Variants in ARHGAP17 observed in about 807,000 individuals in gnomAD.
The protein encoded by ARHGAP17 is Rho GTPase activating protein 17.
A neutral mutation model predicts 99.5 loss-of-function variants in ARHGAP17; 57 were observed. The observed-to-expected ratio is 0.57, with a 90% confidence interval of 0.46 to 0.71. The LOEUF is 0.71. ARHGAP17 is among the 30% of genes least tolerant of loss of function. ARHGAP17 has a pLI of 0.00. For missense variants in ARHGAP17, 1,000 were observed against 1,122.4 expected, an observed-to-expected ratio of 0.89 and a Z score of 1.56; for synonymous variants, 417 against 429.6, an observed-to-expected ratio of 0.97 and a Z score of 0.36.
chr16:24,964,276 T>C lies in ARHGAP17; in HGVS notation c.494A>G (p.Asn165Ser), dbSNP rs1325597188. 1 of 1,613,918 alleles carries C rather than the reference T, an allele frequency of 6.2e-7. No individual in the cohort carries two copies. Among genetic ancestry groups the C allele is most frequent in the East Asian group, 2.2e-5 (1 of 44,874 alleles). Residue 165 changes from asparagine to serine, a missense_variant, in exon 7 of 20, where the codon AAC becomes AGC. Around this residue, in one of 2 missense-constraint regions of ARHGAP17, gnomAD observed 472 missense variants for 611.1 expected, o/e 0.77. Transcript: ENST00000289968. The part of the protein sequence containing the change: ...WNQAHKSSGT[N>S]FQGLPSKIDT... ...TATTTTTGATGGAAGCCCCTGAAAG[T>C]TGGTTCCTGAGGATTTGTGAGCTTG... is the stretch of plus-strand genomic sequence containing the variant.
At chr16:24,929,905 C>T (rs1365895734) in intron 19 of ARHGAP17, among the ~76,000 whole-genome samples, 2 of 152,178 alleles carry the variant, frequency 1.3e-5, no homozygotes, top group South Asian at 2.1e-4. Context: ...AGGTGTATTT[C>T]AGCTTCTTTT....
At chr16:24,961,972 G>GTTTGT (rs1555464021) in intron 7 of ARHGAP17, among the ~76,000 whole-genome samples, 1 of 136,792 alleles carries the variant, frequency 7.3e-6, no homozygotes, top group Non-Finnish European at 1.5e-5. Flanking sequence ...GAGAGAGTTT[G>GTTTGT]TTTTTTTTTT....
chr16:24,941,570 CT>C (rs1431282445), intron 16 of ARHGAP17: 1 of 167,034 alleles, frequency 6.0e-6, no homozygotes, highest in East Asian at 1.8e-4. Flanking sequence ...AGAAATATGT[CT>C]CCTTAAACGC....
intron 1 of ARHGAP17, among the ~76,000 whole-genome samples, chr16:24,987,641 T>C (rs897294692): frequency 6.6e-6 from 1 of 151,988 alleles, no homozygotes; most frequent in Non-Finnish European, 1.5e-5. Flanking sequence ...ATGGCAAATA[T>C]GTGGCCGAGG....
rs2052750384 is a variant in ARHGAP17 at position 24,983,030 on chromosome 16, G to GA, written c.54-4026_54-4025insT. ...TTTTTTTTTTTTTTTTTTGAGACAGGGTCTCGTTCTGTCACCCAGGCTGGA... is the reference window on the plus strand; with the variant it reads ...TTTTTTTTTTTTTTTTTTGAGACAGGAGTCTCGTTCTGTCACCCAGGCTGGA... On this transcript the variant is annotated intron_variant, in intron 1 of 19. Transcript: ENST00000289968. Among the ~76,000 whole-genome samples the GA allele has an allele frequency of 9.7e-5, 9 of 92,460 alleles. 2 individuals carry two copies. The highest frequency in any genetic ancestry group is 1.4e-4 in the Non-Finnish European group (7 of 50,290). 60.7% of individuals were successfully genotyped at this position (92,460 alleles called of 152,430 possible).
At chr16:24,930,392 A>G (rs1444311997) in intron 19 of ARHGAP17, among the ~76,000 whole-genome samples, 3 of 152,250 alleles carry the variant, frequency 2.0e-5, no homozygotes, top group Non-Finnish European at 4.4e-5. Flanking sequence ...CGTGTTGTAA[A>G]ATACCTTCCA....
At chr16:24,942,767 C>CAA (rs768002636) in intron 15 of ARHGAP17, among the ~76,000 whole-genome samples, 6,842 of 69,364 alleles carry the variant, frequency 0.099, 668 homozygotes, top group African/African-American at 0.26. Context: ...GACTCTGTCT[C>CAA]AAAAAAAAAA....
At position 24,933,132 on chromosome 16, in the gene ARHGAP17, G is replaced by A. The variant is rs1383597868; in HGVS notation, c.1895-1728C>T. Among the ~76,000 whole-genome samples the A allele has an allele frequency of 1.3e-5, 2 of 151,920 alleles. 1 individual carries two copies. The highest frequency in any genetic ancestry group is 4.2e-4 in the South Asian group (2 of 4,812). On this transcript the variant is annotated intron_variant, in intron 18 of 19. Transcript: ENST00000289968. Reference sequence around the variant, plus strand: ...CTGAGACTCCTGCCCATGACATGTGGACTCCCTGAATGCTTTTTCCTCTTC... The same window carrying A: ...CTGAGACTCCTGCCCATGACATGTGAACTCCCTGAATGCTTTTTCCTCTTC...
intron 3 of ARHGAP17, 29 bp downstream of exon 3, chr16:24,977,186 T>C (rs1281472352): frequency 1.3e-6 from 2 of 1,522,266 alleles, no homozygotes; most frequent in East Asian, 2.3e-5. Context: ...ACGCAGGAAC[T>C]GTGGGTCTGA....
chr16:24,992,722 A>G (rs1194142370), intron 1 of ARHGAP17, among the ~76,000 whole-genome samples: 1 of 152,254 alleles, frequency 6.6e-6, no homozygotes, highest in Non-Finnish European at 1.5e-5. Flanking sequence ...ATTCATAAAT[A>G]CAGTACTCCT....
intron 1 of ARHGAP17, among the ~76,000 whole-genome samples, chr16:24,982,990 ATATATATTTTTTTTTT>A (rs1180021563): frequency 2.5e-4 from 8 of 32,464 alleles, no homozygotes; most frequent in African/African-American, 1.0e-3. Flanking sequence ...ATATATATAT[ATATATATTTTTTTTTT>A]TTTTTTTTTT....
At chr16:25,003,211 G>T in intron 1 of ARHGAP17, among the ~76,000 whole-genome samples, 1 of 147,146 alleles carries the variant, frequency 6.8e-6, no homozygotes, top group Non-Finnish European at 1.5e-5. Flanking sequence ...AATAAAACAA[G>T]AGTATGCTAG....
At chr16:24,960,545 TA>T (rs1420101234) in intron 7 of ARHGAP17, among the ~76,000 whole-genome samples, 1 of 150,240 alleles carries the variant, frequency 6.7e-6, no homozygotes, top group South Asian at 2.1e-4. Context: ...AGACTCTGTC[TA>T]AAAAAAGGCT....
intron 19 of ARHGAP17, among the ~76,000 whole-genome samples, chr16:24,928,818 A>G (rs2050907413): frequency 6.6e-6 from 1 of 152,214 alleles, no homozygotes; most frequent in Admixed American, 6.5e-5. Flanking sequence ...GCCTTTTAAA[A>G]AGCTCATATG....
chr16:24,971,558 C>T (rs750323909), intron 3 of ARHGAP17, among the ~76,000 whole-genome samples: 12 of 151,750 alleles, frequency 7.9e-5, no homozygotes, highest in Non-Finnish European at 1.5e-4. Context: ...AAACTCTTGA[C>T]CTCAAGTGAT....
chr16:25,011,798 C>T (rs1171567087), intron 1 of ARHGAP17, among the ~76,000 whole-genome samples: 2 of 152,050 alleles, frequency 1.3e-5, no homozygotes, highest in South Asian at 2.1e-4. Flanking sequence ...AATCAATTCC[C>T]GTCTTTGCTA....
intron 18 of ARHGAP17, among the ~76,000 whole-genome samples, 168 bp from the exon 19 acceptor site, chr16:24,931,572 C>CAT (rs1279828966): frequency 6.6e-6 from 1 of 152,062 alleles, no homozygotes; most frequent in Non-Finnish European, 1.5e-5. Context: ...CCCCAAAGCC[C>CAT]ATAACCCATC....
Position 24,943,867 on chromosome 16 carries a change from A to G in ARHGAP17, c.1242-5T>C, listed in dbSNP as rs188302404. On this transcript the variant is annotated splice_region_variant and splice_polypyrimidine_tract_variant and intron_variant, in intron 14 of 19. Transcript: ENST00000289968. ...GCTGCCATTTCAGCAAGTGTTCTGC[A>G]AAGCAAGTTCACAAAATTAAAATAC... is the stretch of plus-strand genomic sequence containing the variant. 2 of 1,613,890 alleles carry G rather than the reference A, an allele frequency of 1.2e-6. No homozygotes were observed. Among genetic ancestry groups the G allele is most frequent in the Non-Finnish European group, 1.7e-6 (2 of 1,179,794 alleles).
chr16:24,947,705 G>A (rs2051515543), intron 13 of ARHGAP17, 110 bp from the exon 14 acceptor site: 5 of 826,644 alleles, frequency 6.0e-6, no homozygotes, highest in Non-Finnish European at 7.8e-6. Context: ...ACTGCAGAGG[G>A]TTCCTAAATC....
Sources: gnomAD v4.1 joint callset for allele counts (sites outside exome capture counted in the v4.1 genomes callset) on GRCh38, gnomAD v4.1.1 for gene constraint, gnomAD v4.1.1 regional missense constraint, MANE v1.5 for transcripts, NCBI Gene and HGNC (gene_info 2026-07-23, HGNC 2026-07-21) for gene names.